ADAM20: variants seen among roughly 807,000 people sequenced by gnomAD.
The protein encoded by ADAM20 is disintegrin and metalloproteinase domain-containing protein 20.
For synonymous variants in ADAM20, 305 were observed against 310.2 expected (o/e 0.98, Z 0.18); for missense variants, 871 against 883.2 (o/e 0.99, Z 0.18).
chr14:70,541,304 G>A, the ADAM20 span, among the ~76,000 whole-genome samples: 1 of 152,182 alleles, frequency 6.6e-6, no homozygotes, highest in South Asian at 2.1e-4. Flanking sequence ...AAGCTTAGCT[G>A]TACAATTTGC....
the ADAM20 span, among the ~76,000 whole-genome samples, chr14:70,576,840 C>T: frequency 0.11 from 16,820 of 152,242 alleles, 1,371 homozygotes; most frequent in East Asian, 0.49. Flanking sequence ...GACTTGCTAA[C>T]GTTTTCCCGC....
chr14:70,557,590 TCA>T, the ADAM20 span: 1 of 152,242 alleles, frequency 6.6e-6, no homozygotes, highest in Non-Finnish European at 1.5e-5. Context: ...TACAAAGTAT[TCA>T]CTTATTCAAA....
At chr14:70,574,904 G>A in the ADAM20 span, among the ~76,000 whole-genome samples, 31,741 of 151,546 alleles carry the variant, frequency 0.21, 4,457 homozygotes, top group East Asian at 0.55. Context: ...TGAACCTAGA[G>A]GGCATTATGC....
the ADAM20 span, among the ~76,000 whole-genome samples, chr14:70,540,208 G>A: frequency 4.6e-5 from 7 of 152,042 alleles, no homozygotes; most frequent in East Asian, 1.2e-3. Context: ...GGCCTCACCC[G>A]AAGGCCAATA....
chr14:70,527,727 C>T (rs1257244359), intron 1 of ADAM20, among the ~76,000 whole-genome samples: 1 of 151,284 alleles, frequency 6.6e-6, no homozygotes, highest in African/African-American at 2.5e-5. Flanking sequence ...TTACAGATCA[C>T]ACCATGTGGC....
At chr14:70,560,384 C>T in the ADAM20 span, among the ~76,000 whole-genome samples, 3 of 152,094 alleles carry the variant, frequency 2.0e-5, no homozygotes, top group African/African-American at 7.2e-5. Context: ...ACTCCAAAAC[C>T]AGCAGCTTTC....
chr14:70,542,594 A>G, the ADAM20 span, among the ~76,000 whole-genome samples: 1 of 152,340 alleles, frequency 6.6e-6, no homozygotes, highest in Admixed American at 6.5e-5. Context: ...TTGGCTTTAA[A>G]ATGGTCTTAT....
the ADAM20 span, among the ~76,000 whole-genome samples, chr14:70,562,991 C>T: frequency 2.6e-4 from 39 of 152,302 alleles, 1 homozygote; most frequent in Admixed American, 1.6e-3. Flanking sequence ...GTCTGCCAAC[C>T]ATACTCCCTA....
At chr14:70,535,799 A>G (rs1192538151), upstream of ADAM20, among the ~76,000 whole-genome samples, 2 of 152,114 alleles carry the variant, frequency 1.3e-5, no homozygotes, top group African/African-American at 4.8e-5. Context: ...AACCATACTA[A>G]TAACAGAAAT....
the ADAM20 span, among the ~76,000 whole-genome samples, chr14:70,541,336 C>T: frequency 6.6e-6 from 1 of 152,070 alleles, no homozygotes; most frequent in Non-Finnish European, 1.5e-5. Flanking sequence ...CTAGGTAAGA[C>T]CTAGGACACA....
At chr14:70,553,711 G>C in the ADAM20 span, among the ~76,000 whole-genome samples, 1 of 151,332 alleles carries the variant, frequency 6.6e-6, no homozygotes, top group Non-Finnish European at 1.5e-5. Flanking sequence ...TTCAACTGAT[G>C]CTGAAAAGGC....
intron 1 of ADAM20, among the ~76,000 whole-genome samples, chr14:70,533,033 T>C (rs1328020047): frequency 6.6e-6 from 1 of 152,106 alleles, no homozygotes; most frequent in African/African-American, 2.4e-5. Flanking sequence ...AAATTTCATG[T>C]TAAAGTGTGA....
intron 1 of ADAM20, 59 bp from the exon 2 acceptor site, chr14:70,524,992 G>C (rs888286163): frequency 1.4e-6 from 2 of 1,403,162 alleles, no homozygotes; most frequent in African/African-American, 2.9e-5. Flanking sequence ...AGAGAAAAAA[G>C]GCAAAGTGAT....
At chr14:70,567,693 CAACAGAG>C in the ADAM20 span, among the ~76,000 whole-genome samples, 1 of 152,102 alleles carries the variant, frequency 6.6e-6, no homozygotes, top group East Asian at 1.9e-4. Context: ...AGCATCCCAG[CAACAGAG>C]AACAGAGAAA....
chr14:70,555,299 CTG>C, the ADAM20 span, among the ~76,000 whole-genome samples: 3 of 152,192 alleles, frequency 2.0e-5, no homozygotes, highest in East Asian at 5.8e-4. Context: ...GAAATGATAA[CTG>C]TGTGAGATGT....
intron 1 of ADAM20, among the ~76,000 whole-genome samples, chr14:70,531,605 T>TA (rs567225779): frequency 1.3e-3 from 196 of 152,226 alleles, no homozygotes; most frequent in African/African-American, 4.6e-3. Flanking sequence ...TAGAAAACTC[T>TA]AAAGATTCTA....
chr14:70,538,830 G>A (rs1359517739), upstream of ADAM20, among the ~76,000 whole-genome samples: 2 of 152,094 alleles, frequency 1.3e-5, no homozygotes, highest in African/African-American at 4.8e-5. Context: ...ATGGAGTCTT[G>A]CTCTGTCACC....
At chr14:70,542,863 C>T in the ADAM20 span, among the ~76,000 whole-genome samples, 5 of 151,374 alleles carry the variant, frequency 3.3e-5, no homozygotes, top group African/African-American at 9.7e-5. Flanking sequence ...CGCTTGAACC[C>T]GGGAGGTGGA....
chr14:70,555,970 G>A, the ADAM20 span, among the ~76,000 whole-genome samples: 1 of 152,178 alleles, frequency 6.6e-6, no homozygotes, highest in East Asian at 1.9e-4. Flanking sequence ...CCCCGGATGC[G>A]GTGGCGGCCA....
Sources: allele counts gnomAD v4.1 joint callset (sites outside exome capture counted in the v4.1 genomes callset), GRCh38; gene constraint gnomAD v4.1.1; transcripts MANE v1.5; gene names NCBI Gene and HGNC (gene_info 2026-07-23, HGNC 2026-07-21).